The following ONECUT2 variants were observed in gnomAD, a reference collection of about 807,000 sequenced individuals.
ONECUT2 encodes the protein one cut domain family member 2.
ONECUT2 carries 10 observed loss-of-function variants against 27.9 expected under a neutral mutation model. That is an observed-to-expected ratio of 0.36 (90% CI 0.22 to 0.61). The LOEUF is 0.61. Ranked by LOEUF, ONECUT2 falls within the 20% of genes least tolerant of loss-of-function variation. The pLI is 0.73. For missense variants in ONECUT2, 686 were observed against 721.0 expected (o/e 0.95, Z 0.56); for synonymous variants, 334 against 315.1 (o/e 1.06, Z -0.64).
chr18:57,462,598 G>A (rs2050298154), intron 1 of ONECUT2, among the ~76,000 whole-genome samples: 1 of 151,866 alleles, frequency 6.6e-6, no homozygotes. Flanking sequence ...TCACTTTGTT[G>A]CACAGGAGAA....
Position 57,482,305 on chromosome 18 carries a change from G to A in ONECUT2, c.*5582G>A, listed in dbSNP as rs2050420054. 1.3e-5 allele frequency: 2 copies of A among 152,182 alleles called. No homozygotes were observed. The highest frequency in any genetic ancestry group is 2.9e-5 in the Non-Finnish European group (2 of 68,032). The allele number at this position is 152,182 out of a possible 1,614,324, so 9.4% of individuals were successfully genotyped here. On this transcript the variant is annotated 3_prime_UTR_variant, in exon 2 of 2. Transcript: ENST00000491143. ...CTCAGAATACTTATAAAATACAGAA[G>A]TAGTTATTAAAATATATAGGACCTC...
intron 1 of ONECUT2, among the ~76,000 whole-genome samples, chr18:57,449,868 G>A (rs145321323): frequency 8.5e-5 from 13 of 152,132 alleles, no homozygotes; most frequent in African/African-American, 2.9e-4. Flanking sequence ...TTCTGAACTC[G>A]ATTTGCAATC....
intron 1 of ONECUT2, among the ~76,000 whole-genome samples, chr18:57,466,300 A>ATTGGCC (rs2050321090): frequency 1.3e-5 from 2 of 152,280 alleles, no homozygotes; most frequent in South Asian, 2.1e-4. Context: ...ACCCAGTTCC[A>ATTGGCC]TTGGCCTTGG....
rs867022979 is a variant in ONECUT2, at chr18:57,438,001, C to T, written c.1228+1057C>T. On this transcript the variant is annotated intron_variant, in intron 1 of 1. Coordinates refer to ENST00000491143, the MANE Select transcript of ONECUT2 (RefSeq NM_004852.3). Reference sequence around the variant, plus strand: ...AGGCGCGGGTTACATTGTTCTGGAGCCGGCTCGGCTCTTTGTGCCTCCTCT... The same window carrying T: ...AGGCGCGGGTTACATTGTTCTGGAGTCGGCTCGGCTCTTTGTGCCTCCTCT... 1.3e-3 allele frequency among the ~76,000 whole-genome samples: 198 copies of T among 152,360 alleles called. 1 individual carries two copies. The highest frequency in any genetic ancestry group is 4.4e-3 in the African/African-American group (184 of 41,596).
chr18:57,467,759 C>T (rs2050331752), intron 1 of ONECUT2, among the ~76,000 whole-genome samples: 2 of 152,178 alleles, frequency 1.3e-5, no homozygotes, highest in Non-Finnish European at 2.9e-5. Flanking sequence ...AAGCCCAAGA[C>T]ACGGCTCACA....
rs1177660534 is a variant in ONECUT2 at position 57,478,134 on chromosome 18, T to C, written c.*1411T>C. 1.3e-5 allele frequency: 2 copies of C among 152,652 alleles called. No homozygotes were observed. Among genetic ancestry groups the C allele is most frequent in the African/African-American group, 2.4e-5 (1 of 41,454 alleles). The allele number at this position is 152,652 out of a possible 1,614,324, so 9.5% of individuals were successfully genotyped here. ...TTCAGCTCTTGCATTTGGCGCATCA[T>C]CGGGCTGAGCGGACCAGCTACACCA... On this transcript the variant is annotated 3_prime_UTR_variant, in exon 2 of 2. Coordinates refer to ENST00000491143, the MANE Select transcript of ONECUT2 (RefSeq NM_004852.3).
At chr18:57,438,176 C>T (rs1032987256) in intron 1 of ONECUT2, among the ~76,000 whole-genome samples, 22 of 152,236 alleles carry the variant, frequency 1.4e-4, no homozygotes, top group Non-Finnish European at 2.8e-4. Context: ...GGACCCCGCG[C>T]GGTGTGCGTG....
intron 1 of ONECUT2, among the ~76,000 whole-genome samples, chr18:57,445,988 G>A (rs2050198875): frequency 6.6e-6 from 1 of 152,206 alleles, no homozygotes; most frequent in Admixed American, 6.5e-5. Flanking sequence ...ACAGGGCAAG[G>A]CATTTTTTGT....
intron 1 of ONECUT2, among the ~76,000 whole-genome samples, chr18:57,439,337 G>A (rs534632102): frequency 6.9e-4 from 105 of 152,358 alleles, no homozygotes; most frequent in Non-Finnish European, 1.2e-3. Flanking sequence ...GCCTTCGTGG[G>A]AGACAGAATG....
At position 57,486,244 on chromosome 18, in the gene ONECUT2, C is replaced by T. The variant is rs1375701302; in HGVS notation, c.*9521C>T. 2 of 152,586 alleles carry T rather than the reference C, an allele frequency of 1.3e-5. No individual in the cohort carries two copies. The highest frequency in any genetic ancestry group is 1.9e-4 in the East Asian group (1 of 5,196). 9.5% of individuals were successfully genotyped at this position (152,586 alleles called of 1,614,324 possible). ...AAGCAACGATTTAGCCAGTCTGGAC[C>T]TCTCTGTGCTTTTTTTAATTCTTCC... On this transcript the variant is annotated 3_prime_UTR_variant, in exon 2 of 2. Transcript: ENST00000491143.
intron 1 of ONECUT2, among the ~76,000 whole-genome samples, chr18:57,441,167 A>C (rs1217867220): frequency 6.6e-6 from 1 of 152,234 alleles, no homozygotes; most frequent in African/African-American, 2.4e-5. Context: ...CTGTGTGGTT[A>C]TGTCACTTTC....
Position 57,435,842 on chromosome 18 carries a change from G to GGGCGGC in ONECUT2, c.132_137dup (p.Gly53_Gly54dup), listed in dbSNP as rs1211763886. 4 of 1,028,968 alleles carry GGGCGGC rather than the reference G, an allele frequency of 3.9e-6. No homozygotes were observed. The highest frequency in any genetic ancestry group is 4.7e-6 in the Non-Finnish European group (4 of 851,680). 63.7% of individuals were successfully genotyped at this position (1,028,968 alleles called of 1,614,324 possible). On this transcript the variant is annotated inframe_insertion, in exon 1 of 2. Transcript: ENST00000491143. ...GGCCGGCCGGCGGCGGCAGTGGCGG[G>GGGCGGC]GGCGGCGGCGGGGGCGGCGGGGGCG...
intron 1 of ONECUT2, among the ~76,000 whole-genome samples, chr18:57,438,502 G>A (rs1020866500): frequency 6.6e-6 from 1 of 152,182 alleles, no homozygotes; most frequent in Non-Finnish European, 1.5e-5. Flanking sequence ...CCCAGCTTGT[G>A]GGGTGCACTC....
intron 1 of ONECUT2, among the ~76,000 whole-genome samples, chr18:57,461,225 T>C (rs1290537508): frequency 1.3e-5 from 2 of 152,236 alleles, no homozygotes; most frequent in Admixed American, 1.3e-4. Context: ...CTGATTTCTT[T>C]TTTCCAACAT....
intron 1 of ONECUT2, among the ~76,000 whole-genome samples, chr18:57,438,833 C>T (rs1187143591): frequency 6.6e-6 from 1 of 152,150 alleles, no homozygotes; most frequent in Non-Finnish European, 1.5e-5. Context: ...GATAAAGCAG[C>T]CAGTAGAGAG....
In ONECUT2 at chr18:57,488,779, A is replaced by T. The variant is rs2050450213; in HGVS notation, c.*12056A>T. On this transcript the variant is annotated 3_prime_UTR_variant, in exon 2 of 2. Transcript: ENST00000491143. ...GTTTTCTCTCCTGCCCTCTTGGGGA[A>T]ACATGGGCCTGGCCTGGGAAAAGGC... 6.6e-6 allele frequency: 1 copy of T among 152,640 alleles called. No homozygotes were observed. The highest frequency in any genetic ancestry group is 2.4e-5 in the African/African-American group (1 of 41,446). The allele number at this position is 152,640 out of a possible 1,614,324, so 9.5% of individuals were successfully genotyped here.
intron 1 of ONECUT2, among the ~76,000 whole-genome samples, chr18:57,439,502 T>C (rs2050162343): frequency 6.6e-6 from 1 of 152,244 alleles, no homozygotes; most frequent in Non-Finnish European, 1.5e-5. Context: ...GTTGAGTGGT[T>C]ATTATTACAT....
At position 57,470,913 on chromosome 18, in the gene ONECUT2, C is replaced by T. The variant is rs566176020; in HGVS notation, c.1229-5524C>T. ...CCTGGCTTCCAACACCCCATTACTGCTCAGCATCCAAATATCCAAAGACTT... is the reference window on the plus strand; with the variant it reads ...CCTGGCTTCCAACACCCCATTACTGTTCAGCATCCAAATATCCAAAGACTT... On this transcript the variant is annotated intron_variant, in intron 1 of 1. Transcript: ENST00000491143. Among the ~76,000 whole-genome samples the T allele has an allele frequency of 2.0e-5, 3 of 152,286 alleles. No homozygotes were observed. The East Asian group carries it at 5.8e-4, about 29-fold the overall frequency.
chr18:57,472,890 A>T (rs1043744187), intron 1 of ONECUT2, among the ~76,000 whole-genome samples: 2 of 152,218 alleles, frequency 1.3e-5, no homozygotes, highest in African/African-American at 4.8e-5. Context: ...GTGAATTGAC[A>T]GAGGACCTCA....
Sources: allele counts gnomAD v4.1 joint callset (sites outside exome capture counted in the v4.1 genomes callset), GRCh38; gene constraint gnomAD v4.1.1; transcripts MANE v1.5; gene names NCBI Gene and HGNC (gene_info 2026-07-23, HGNC 2026-07-21).